Variants in TMC5 observed in about 807,000 individuals in gnomAD.
TMC5 encodes the protein transmembrane channel like 5, also known as transmembrane channel-like protein 5.
A neutral mutation model predicts 110.5 loss-of-function variants in TMC5; 86 were observed. The observed-to-expected ratio is 0.78, with a 90% CI of 0.65 to 0.93. TMC5 has a LOEUF of 0.93. Among genes scored for constraint, TMC5 ranks in the 40% least tolerant of loss-of-function variants. The pLI is 0.00. For missense variants in TMC5, 1,144 were observed against 1,222.8 expected (o/e 0.94, Z 0.96); for synonymous variants, 455 against 439.5 (o/e 1.04, Z -0.44).
intron 1 of TMC5, among the ~76,000 whole-genome samples, chr16:19,419,745 T>G (rs1026403345): frequency 2.0e-5 from 3 of 152,092 alleles, no homozygotes; most frequent in Non-Finnish European, 4.4e-5. Context: ...TTGTCATACT[T>G]TGCCAGAAAA....
chr16:19,472,157 G>A lies in TMC5; in HGVS notation c.1852G>A (p.Ala618Thr), dbSNP rs777798492. The change falls in exon 11 of 22, where the codon GCC (alanine) becomes ACC (threonine). Residue 618 changes from alanine to threonine, a missense_variant. Ala to Thr is a moderately conservative substitution (Grantham distance 58). Coordinates refer to ENST00000542583, the MANE Select transcript of TMC5 (RefSeq NM_001261841.2). ...CAATCAGCTGCTGACCCGCTTCTCT[G>A]CCTACATGGTAGCCTGGGTTGTCTC... ...TFNQLLTRFS[A>T]YMVAWVVSTG... 13 of 1,614,086 alleles carry A rather than the reference G, an allele frequency of 8.1e-6. No homozygotes were observed. The highest frequency in any genetic ancestry group is 1.3e-5 in the African/African-American group (1 of 74,942).
upstream of TMC5, among the ~76,000 whole-genome samples, chr16:19,413,467 T>A (rs1966861817): frequency 7.5e-6 from 1 of 133,016 alleles, no homozygotes; most frequent in African/African-American, 2.8e-5. Flanking sequence ...GAGATTGCAG[T>A]GAGCTAAGAT....
intron 20 of TMC5, among the ~76,000 whole-genome samples, chr16:19,495,783 G>A (rs996687566): frequency 1.4e-4 from 21 of 151,848 alleles, no homozygotes; most frequent in African/African-American, 4.8e-4. Flanking sequence ...AGGCTACAGT[G>A]AGCTATGATC....
chr16:19,479,148 G>A (rs556376954), intron 13 of TMC5, among the ~76,000 whole-genome samples: 2 of 152,322 alleles, frequency 1.3e-5, no homozygotes, highest in South Asian at 4.1e-4. Context: ...GATAGGGCAG[G>A]GAAGAAAAGT....
Position 19,440,192 on chromosome 16 carries a change from A to C in TMC5, c.154A>C (p.Ser52Arg). ...LNNPDYPGTR[S>R]NPYSVASRTR... ...CAATCCAGACTACCCCGGCACCAGG[A>C]GCAATCCATACTCTGTAGCCTCCAG... The change falls in exon 3 of 22, where the codon AGC becomes CGC. Residue 52 changes from serine (S) to arginine (R), a missense_variant. Coordinates refer to ENST00000542583, the MANE Select transcript of TMC5 (RefSeq NM_001261841.2). 1 of 1,614,178 alleles carries C rather than the reference A, an allele frequency of 6.2e-7. No individual in the cohort carries two copies. Among genetic ancestry groups the C allele is most frequent in the Non-Finnish European group, 8.5e-7 (1 of 1,180,024 alleles).
chr16:19,493,425 A>G (rs1410942637), intron 19 of TMC5, among the ~76,000 whole-genome samples: 2 of 148,106 alleles, frequency 1.4e-5, no homozygotes, highest in Non-Finnish European at 3.0e-5. Context: ...AAAAGGGGGT[A>G]CATGTTGCAT....
intron 19 of TMC5, among the ~76,000 whole-genome samples, chr16:19,492,860 G>A (rs1442122602): frequency 1.4e-5 from 2 of 143,884 alleles, no homozygotes; most frequent in Admixed American, 7.1e-5. Flanking sequence ...TGGCTCCCTG[G>A]ATTATTTTAA....
intron 8 of TMC5, among the ~76,000 whole-genome samples, chr16:19,465,173 A>G (rs1385749219): frequency 1.3e-5 from 2 of 148,256 alleles, no homozygotes; most frequent in African/African-American, 5.0e-5. Context: ...TTGCTTATTC[A>G]GACTAGGATT....
At chr16:19,474,036 G>A (rs951884566) in intron 11 of TMC5, 89 bp from the exon 12 acceptor site, 10 of 1,303,716 alleles carry the variant, frequency 7.7e-6, no homozygotes, top group African/African-American at 3.0e-5. Context: ...GCTACTTCTC[G>A]GGTTTTCTAT....
intron 6 of TMC5, among the ~76,000 whole-genome samples, chr16:19,461,655 G>A (rs1041639685): frequency 1.3e-5 from 2 of 152,140 alleles, no homozygotes; most frequent in East Asian, 1.9e-4. Context: ...TTCAAAACCC[G>A]AGGGTAAGGG....
intron 10 of TMC5, 23 bp from the exon 11 acceptor site, chr16:19,472,065 A>G: frequency 1.2e-6 from 2 of 1,612,584 alleles, no homozygotes; most frequent in Non-Finnish European, 1.7e-6. Context: ...CCAGCCATAA[A>G]CTTGACTTTC....
upstream of TMC5, among the ~76,000 whole-genome samples, chr16:19,416,811 C>T (rs566257639): frequency 9.9e-5 from 15 of 152,106 alleles, no homozygotes; most frequent in South Asian, 2.5e-3. Flanking sequence ...TGTGGCCAGG[C>T]GGCCAGATGC....
At chr16:19,441,272 A>G (rs1336197994) in intron 3 of TMC5, among the ~76,000 whole-genome samples, 1 of 149,950 alleles carries the variant, frequency 6.7e-6, no homozygotes, top group Non-Finnish European at 1.5e-5. Context: ...TTTATATGAG[A>G]TGTTTGCACC....
At chr16:19,489,783 T>A (rs1968841442) in intron 17 of TMC5, among the ~76,000 whole-genome samples, 3 of 151,786 alleles carry the variant, frequency 2.0e-5, no homozygotes, top group African/African-American at 7.3e-5. Flanking sequence ...ATACTTGTCT[T>A]TAATTTCATT....
In TMC5 at chr16:19,460,342, C is replaced by T. The variant is rs565394705; in HGVS notation, c.1148+8C>T. On this transcript the variant is annotated splice_region_variant and intron_variant, in intron 6 of 21. Coordinates refer to ENST00000542583, the MANE Select transcript of TMC5 (RefSeq NM_001261841.2). ...AGAGAAAAGGAACCTTAGGTATGGACTAAAGGCTTTTCTTCTTTCTCAGAT... is the reference window on the plus strand; with the variant it reads ...AGAGAAAAGGAACCTTAGGTATGGATTAAAGGCTTTTCTTCTTTCTCAGAT... The T allele has an allele frequency of 1.3e-6, 2 of 1,590,342 alleles. No individual in the cohort carries two copies. Among genetic ancestry groups the T allele is most frequent in the East Asian group, 4.5e-5 (2 of 44,760 alleles).
In TMC5 at chr16:19,498,159, G is replaced by A; in HGVS notation, c.*193G>A. 1 of 581,278 alleles carries A rather than the reference G, an allele frequency of 1.7e-6. No homozygotes were observed. The highest frequency in any genetic ancestry group is 3.1e-6 in the Non-Finnish European group (1 of 327,184). The allele number at this position is 581,278 out of a possible 1,614,324, so 36.0% of individuals were successfully genotyped here. A position where few individuals can be genotyped will look rare whatever the true frequency, so the allele number is the denominator to read the frequency against. On this transcript the variant is annotated 3_prime_UTR_variant, in exon 22 of 22. Coordinates refer to ENST00000542583, the MANE Select transcript of TMC5 (RefSeq NM_001261841.2). The stretch of plus-strand genomic sequence containing the variant: ...CCATGCTATTTTTAATACCTGGATT[G>A]CTGATTTTTCAAGACAAAATACTTG...
intron 1 of TMC5, among the ~76,000 whole-genome samples, chr16:19,418,903 AT>A (rs1390455686): frequency 1.3e-5 from 2 of 151,834 alleles, no homozygotes; most frequent in African/African-American, 4.8e-5. Context: ...ACCTTTTATG[AT>A]TTTTAGTAGA....
Position 19,425,591 on chromosome 16 carries a change from T to G in TMC5, c.-307-4822T>G, listed in dbSNP as rs1967073865. 2.6e-5 allele frequency among the ~76,000 whole-genome samples: 4 copies of G among 152,228 alleles called. No individual in the cohort carries two copies. In the South Asian group the frequency reaches 6.2e-4, roughly 24 times the overall value. ...CTGCTTTCTAGAGCTGGCGCACAGC[T>G]GTTATCCTGGGATTTCTTTCCATTG... On this transcript the variant is annotated intron_variant, in intron 1 of 21. Coordinates refer to ENST00000542583, the MANE Select transcript of TMC5 (RefSeq NM_001261841.2).
intron 2 of TMC5, among the ~76,000 whole-genome samples, chr16:19,431,157 C>T (rs1297569856): frequency 2.0e-5 from 3 of 152,064 alleles, no homozygotes; most frequent in Non-Finnish European, 4.4e-5. Context: ...ACATTATTTA[C>T]AGGATCATCA....
Sources: allele counts gnomAD v4.1 joint callset (sites outside exome capture counted in the v4.1 genomes callset), GRCh38; gene constraint gnomAD v4.1.1; transcripts MANE v1.5; gene names NCBI Gene and HGNC (gene_info 2026-07-23, HGNC 2026-07-21).